SFMBT1: variants seen among roughly 807,000 people sequenced by gnomAD.
The protein encoded by SFMBT1 is Scm like with four mbt domains 1.
A neutral mutation model predicts 108.7 loss-of-function variants in SFMBT1; 32 were observed. The observed-to-expected ratio is 0.29, with a 90% CI of 0.22 to 0.40. SFMBT1 has a LOEUF of 0.40. Ranked by LOEUF, SFMBT1 falls within the 10% of genes least tolerant of loss-of-function variation. The pLI is 1.00. For missense variants in SFMBT1, 816 were observed against 1,059.6 expected, an observed-to-expected ratio of 0.77 and a Z score of 3.19; for synonymous variants, 348 against 369.5, an observed-to-expected ratio of 0.94 and a Z score of 0.67.
At chr3:52,941,053 C>A (rs62253604) in intron 4 of SFMBT1, among the ~76,000 whole-genome samples, 2 of 151,896 alleles carry the variant, frequency 1.3e-5, no homozygotes, top group Non-Finnish European at 2.9e-5. Context: ...GTTAAGAAAA[C>A]GAGAGAGACA....
At chr3:52,979,478 A>G (rs1704633509) in intron 1 of SFMBT1, among the ~76,000 whole-genome samples, 1 of 152,198 alleles carries the variant, frequency 6.6e-6, no homozygotes, top group Non-Finnish European at 1.5e-5. Flanking sequence ...TTCACAAATC[A>G]TTCACTGTAG....
intron 10 of SFMBT1, among the ~76,000 whole-genome samples, chr3:52,923,558 C>G (rs1224924965): frequency 8.4e-6 from 1 of 119,626 alleles, no homozygotes; most frequent in African/African-American, 3.1e-5. Context: ...AAAGCTCCAT[C>G]AAAAAAAAAA....
At chr3:52,905,757 T>G (rs1702050070) in intron 20 of SFMBT1, among the ~76,000 whole-genome samples, 1 of 152,218 alleles carries the variant, frequency 6.6e-6, no homozygotes, top group Admixed American at 6.5e-5. Flanking sequence ...TCAGCAAGCT[T>G]GCCTTAAAAC....
chr3:52,991,802 A>C lies in SFMBT1; in HGVS notation c.-130-22544T>G, dbSNP rs146300823. On this transcript the variant is annotated intron_variant, in intron 1 of 20. Transcript: ENST00000394752. ...TTCTACCACATGAGGATGCACCATC[A>C]ATGAGGAATGGCACCTCCCCAGACA... 6.5e-4 allele frequency among the ~76,000 whole-genome samples: 99 copies of C among 152,250 alleles called. No individual in the cohort carries two copies. The East Asian group carries it at 0.017, about 26-fold the overall frequency.
At chr3:52,916,898 CAAAG>C (rs1483364103) in intron 13 of SFMBT1, among the ~76,000 whole-genome samples, 1 of 151,942 alleles carries the variant, frequency 6.6e-6, no homozygotes, top group African/African-American at 2.4e-5. Flanking sequence ...TTTCAACAGT[CAAAG>C]AACAGAAACT....
At chr3:53,011,254 T>G (rs1327211763) in intron 1 of SFMBT1, among the ~76,000 whole-genome samples, 1 of 152,066 alleles carries the variant, frequency 6.6e-6, no homozygotes, top group Non-Finnish European at 1.5e-5. Context: ...TGGAAGGCAT[T>G]CCCAGCAGGC....
intron 1 of SFMBT1, among the ~76,000 whole-genome samples, chr3:52,985,406 T>C (rs1704869904): frequency 6.6e-6 from 1 of 152,254 alleles, no homozygotes. Flanking sequence ...CTACTATGTA[T>C]GTGCCTGGCA....
At chr3:52,951,439 G>A (rs538583596) in intron 3 of SFMBT1, among the ~76,000 whole-genome samples, 6 of 146,256 alleles carry the variant, frequency 4.1e-5, no homozygotes, top group Admixed American at 6.8e-5. Flanking sequence ...TTTTTGAGAT[G>A]GCATTTTGCT....
chr3:53,027,611 T>G lies in SFMBT1; in HGVS notation c.-131+18205A>C, dbSNP rs77526543. 6.2e-3 allele frequency among the ~76,000 whole-genome samples: 947 copies of G among 152,320 alleles called. 15 individuals are homozygous for G. Among genetic ancestry groups the G allele is most frequent in the African/African-American group, 0.022 (911 of 41,566 alleles). On this transcript the variant is annotated intron_variant, in intron 1 of 20. Transcript: ENST00000394752. ...AGGAGAAGGAAATTCAGTGATTCAG[T>G]GCCTACCATCTGCCCCAGAGGTCAG...
At chr3:53,044,767 A>T (rs2106985705) in intron 1 of SFMBT1, among the ~76,000 whole-genome samples, 1 of 152,308 alleles carries the variant, frequency 6.6e-6, no homozygotes, top group Admixed American at 6.5e-5. Flanking sequence ...AGGACTCAAA[A>T]ACACCACTTG....
chr3:52,934,058 A>G (rs1325830437), intron 5 of SFMBT1, among the ~76,000 whole-genome samples: 1 of 152,170 alleles, frequency 6.6e-6, no homozygotes, highest in Non-Finnish European at 1.5e-5. Context: ...AATGTCTCCA[A>G]AAAGGATACA....
In SFMBT1 at chr3:52,930,441, G is replaced by A. The variant is rs2106794571; in HGVS notation, c.796-11C>T. 1 of 1,472,644 alleles carries A rather than the reference G, an allele frequency of 6.8e-7. No individual in the cohort carries two copies. The highest frequency in any genetic ancestry group is 2.3e-5 in the East Asian group (1 of 44,218). 91.2% of individuals were successfully genotyped at this position (1,472,644 alleles called of 1,614,324 possible). On this transcript the variant is annotated splice_polypyrimidine_tract_variant and intron_variant, in intron 7 of 20. Coordinates refer to ENST00000394752, the MANE Select transcript of SFMBT1 (RefSeq NM_016329.4). ...AATAACTTGTTTGTCCTGAAATGCA[G>A]ACACCAAAAGGGGATGAAAACATAG...
intron 1 of SFMBT1, among the ~76,000 whole-genome samples, chr3:53,009,510 A>G (rs1332399644): frequency 6.6e-6 from 1 of 152,206 alleles, no homozygotes; most frequent in Non-Finnish European, 1.5e-5. Flanking sequence ...ACAGGAGAAT[A>G]CAAGGGTGGG....
In SFMBT1 at chr3:52,905,284, A is replaced by G. The variant is rs548510366; in HGVS notation, c.2461-8T>C. 17 of 1,611,424 alleles carry G rather than the reference A, an allele frequency of 1.1e-5. No individual in the cohort carries two copies. The South Asian group carries it at 1.8e-4, about 17-fold the overall frequency. ...GGCCTGCCCATCAATTTCCTGTTAA[A>G]GCATAAAAGACAAATTATCTGTGAT... is the stretch of plus-strand genomic sequence containing the variant. On this transcript the variant is annotated splice_region_variant and splice_polypyrimidine_tract_variant and intron_variant, in intron 20 of 20. Transcript: ENST00000394752.
chr3:53,012,546 G>A (rs1698987502), intron 1 of SFMBT1, among the ~76,000 whole-genome samples: 1 of 152,132 alleles, frequency 6.6e-6, no homozygotes, highest in African/African-American at 2.4e-5. Flanking sequence ...GGGACTACAG[G>A]CGCCCGCCAC....
At chr3:53,010,572 A>AGG (rs1698907776) in intron 1 of SFMBT1, among the ~76,000 whole-genome samples, 1 of 152,202 alleles carries the variant, frequency 6.6e-6, no homozygotes, top group Non-Finnish European at 1.5e-5. Flanking sequence ...AAAATGCACA[A>AGG]GGGGGTAATT....
chr3:52,907,683 C>T lies in SFMBT1; in HGVS notation c.1957G>A (p.Gly653Arg), dbSNP rs372237613. ...KNKRIGRPPGGHSNLACALKK... is the reference protein window; with the variant it reads ...KNKRIGRPPGRHSNLACALKK... Reference sequence around the variant, plus strand: ...AGGGCACAAGCTAAGTTACTATGCCCACCAGGTGGCCTCCCAATTCTTTTA... The same window carrying T: ...AGGGCACAAGCTAAGTTACTATGCCTACCAGGTGGCCTCCCAATTCTTTTA... The change falls in exon 18 of 21, where the codon GGG becomes AGG. Residue 653 changes from glycine (G) to arginine (R), a missense_variant. Gly to Arg is a moderately radical substitution (Grantham distance 125, BLOSUM62 -2). Transcript: ENST00000394752. 6.4e-5 allele frequency: 104 copies of T among 1,613,596 alleles called. No individual in the cohort carries two copies. Among genetic ancestry groups the T allele is most frequent in the Non-Finnish European group, 8.6e-5 (101 of 1,179,960 alleles).
At chr3:53,010,748 T>C (rs2106927717) in intron 1 of SFMBT1, among the ~76,000 whole-genome samples, 1 of 152,190 alleles carries the variant, frequency 6.6e-6, no homozygotes, top group East Asian at 1.9e-4. Context: ...TTATAAAACA[T>C]GTTTAAATAA....
At chr3:53,000,989 A>T (rs942603398) in intron 1 of SFMBT1, among the ~76,000 whole-genome samples, 12 of 150,430 alleles carry the variant, frequency 8.0e-5, no homozygotes, top group South Asian at 2.1e-4. Context: ...TGAGTTTATT[A>T]CAGAAGCAAT....
Sources: allele counts gnomAD v4.1 joint callset (sites outside exome capture counted in the v4.1 genomes callset), GRCh38; gene constraint gnomAD v4.1.1; transcripts MANE v1.5; gene names NCBI Gene and HGNC (gene_info 2026-07-23, HGNC 2026-07-21).